Variants in TIAM2 observed in about 807,000 individuals in gnomAD.
The protein encoded by TIAM2 is TIAM Rac1 associated GEF 2, also known as rho guanine nucleotide exchange factor TIAM2.
Under a neutral mutation model 152.9 loss-of-function variants are expected in TIAM2, and 80 were observed. The observed-to-expected ratio is 0.52, with a 90% CI of 0.44 to 0.63. The LOEUF (loss-of-function observed/expected upper bound fraction) is 0.63, where lower values mean the gene tolerates loss of function less well. Ranked by LOEUF, TIAM2 falls within the 30% of genes least tolerant of loss-of-function variation. The pLI is 0.00. For synonymous variants in TIAM2, 804 were observed against 838.0 expected, an observed-to-expected ratio of 0.96 and a Z score of 0.70; for missense variants, 1,965 against 2,120.1, an observed-to-expected ratio of 0.93 and a Z score of 1.44.
Position 155,166,841 on chromosome 6 carries a change from C to T in TIAM2, c.2361+1432C>T, listed in dbSNP as rs564475297. On this transcript the variant is annotated intron_variant, in intron 9 of 26. Coordinates refer to ENST00000682666, the MANE Select transcript of TIAM2 (RefSeq NM_012454.4). ...GTTGAAAAAATAAGTTATATGATGACCTGATCATTCAGGTGAATAGGGAAA... is the reference window on the plus strand; with the variant it reads ...GTTGAAAAAATAAGTTATATGATGATCTGATCATTCAGGTGAATAGGGAAA... Among the ~76,000 whole-genome samples the T allele has an allele frequency of 1.1e-4, 16 of 152,218 alleles. No homozygotes were observed. In the East Asian group the frequency reaches 2.3e-3, roughly 22 times the overall value.
chr6:155,178,212 A>G (rs1780803530), intron 10 of TIAM2, among the ~76,000 whole-genome samples: 1 of 150,564 alleles, frequency 6.6e-6, no homozygotes, highest in African/African-American at 2.4e-5. Flanking sequence ...AATTTGACCC[A>G]GTTAGAGCAT....
chr6:155,248,231 G>GCTGCCAGCCGTGCCCTGGGC, intron 20 of TIAM2, 52 bp downstream of exon 20: 1 of 1,562,144 alleles, frequency 6.4e-7, no homozygotes, highest in Non-Finnish European at 8.7e-7. Context: ...GCGGCGAGGG[G>GCTGCCAGCCGTGCCCTGGGC]CTGCCAGCCG....
In TIAM2 at chr6:155,000,032, A is replaced by G. The variant is rs148350297; in HGVS notation, c.-209+4540A>G. ...ACAAAGATCAAATGAGCTGAAGTGC[A>G]TGAAAGCACTTTGCAAACTTTGGAA... On this transcript the variant is annotated intron_variant, in intron 1 of 26. Transcript: ENST00000682666. 3.3e-3 allele frequency among the ~76,000 whole-genome samples: 507 copies of G among 152,334 alleles called. 3 individuals carry two copies. The highest frequency in any genetic ancestry group is 0.011 in the African/African-American group (467 of 41,580).
intron 1 of TIAM2, among the ~76,000 whole-genome samples, chr6:155,028,402 A>G (rs1224558437): frequency 1.5e-5 from 2 of 136,712 alleles, no homozygotes; most frequent in East Asian, 4.4e-4. Flanking sequence ...CTACATATAT[A>G]TACTGTGTTA....
At chr6:155,099,635 G>A (rs1177114151) in intron 2 of TIAM2, among the ~76,000 whole-genome samples, 2 of 152,176 alleles carry the variant, frequency 1.3e-5, no homozygotes, top group Non-Finnish European at 2.9e-5. Flanking sequence ...ACAGTGTTGT[G>A]AGGTGATAGC....
intron 4 of TIAM2, among the ~76,000 whole-genome samples, chr6:155,135,423 C>A (rs1219166221): frequency 6.6e-6 from 1 of 152,094 alleles, no homozygotes; most frequent in African/African-American, 2.4e-5. Context: ...ATCAAAAGCC[C>A]ACTAGCAGCT....
At position 155,240,569 on chromosome 6, in the gene TIAM2, G is replaced by A. The variant is rs552270618; in HGVS notation, c.3208G>A (p.Asp1070Asn). Residue 1070 changes from aspartate to asparagine, a missense_variant, in exon 16 of 27, where the codon GAC becomes AAC. Physicochemically the swap from Asp to Asn is conservative, Grantham distance 23. Transcript: ENST00000682666. ...CACTGCACTGTGCAGGAGTTTTAAC[G>A]ACAGTCAGGCCAACGGCATGGAAGG... ...QITALCRSFN[D>N]SQANGMEGPR... is the part of the protein sequence containing the mutation. 107 of 1,614,080 alleles carry A rather than the reference G, an allele frequency of 6.6e-5. No individual in the cohort carries two copies. In the South Asian group the frequency reaches 7.5e-4, roughly 11 times the overall value.
intron 2 of TIAM2, among the ~76,000 whole-genome samples, chr6:155,111,847 G>A (rs1160278067): frequency 6.6e-6 from 1 of 151,978 alleles, no homozygotes; most frequent in Non-Finnish European, 1.5e-5. Context: ...ATTCCTCTCT[G>A]CTCCCCTTTA....
chr6:155,045,840 C>CTTTTTTTTTTTTTTTTTTTTTTTT (rs11354850), intron 1 of TIAM2, among the ~76,000 whole-genome samples: 52 of 60,498 alleles, frequency 8.6e-4, no homozygotes, highest in Middle Eastern at 0.023. Flanking sequence ...ATAGTGCCCT[C>CTTTTTTTTTTTTTTTTTTTTTTTT]TTTTTTTTTT....
At chr6:155,161,218 T>C (rs1780259905) in intron 7 of TIAM2, among the ~76,000 whole-genome samples, 1 of 116,768 alleles carries the variant, frequency 8.6e-6, no homozygotes, top group South Asian at 3.0e-4. Context: ...CGGGTCTCAC[T>C]CTGATAACCC....
At position 155,244,556 on chromosome 6, in the gene TIAM2, C is replaced by T. The variant is rs866789898; in HGVS notation, c.3418-102C>T. The T allele has an allele frequency of 2.7e-5, 37 of 1,385,732 alleles. 1 individual carries two copies. In the Middle Eastern group the frequency reaches 1.3e-3, roughly 49 times the overall value. 85.8% of individuals were successfully genotyped at this position (1,385,732 alleles called of 1,614,324 possible). Reference sequence around the variant, plus strand: ...AGGATTTACTTTCTGTCTGCTTTTCCGTGAAGAATTTCCTTGTGATTTATT... The same window carrying T: ...AGGATTTACTTTCTGTCTGCTTTTCTGTGAAGAATTTCCTTGTGATTTATT... On this transcript the variant is annotated intron_variant, in intron 17 of 26. Coordinates refer to ENST00000682666, the MANE Select transcript of TIAM2 (RefSeq NM_012454.4).
At chr6:155,248,211 C>A in intron 20 of TIAM2, 32 bp downstream of exon 20, 3 of 1,602,764 alleles carry the variant, frequency 1.9e-6, no homozygotes, top group Non-Finnish European at 2.6e-6. Context: ...CGGGCGAGGG[C>A]CTGCACAGGG....
At chr6:155,112,514 A>G (rs1778879975) in intron 2 of TIAM2, among the ~76,000 whole-genome samples, 1 of 152,002 alleles carries the variant, frequency 6.6e-6, no homozygotes, top group Non-Finnish European at 1.5e-5. Flanking sequence ...CTTAATGTCA[A>G]GGTGCCCCAG....
chr6:155,084,620 A>G (rs562370219), intron 1 of TIAM2, among the ~76,000 whole-genome samples: 2 of 152,274 alleles, frequency 1.3e-5, no homozygotes, highest in African/African-American at 4.8e-5. Flanking sequence ...CTGTTTTATA[A>G]ATAACAACGG....
rs570038993 is a variant in TIAM2, at chr6:155,184,770, GT to G, written c.3064+1271del. On this transcript the variant is annotated intron_variant, in intron 14 of 26. Transcript: ENST00000682666. ...GATTTGCGATTCAATAAGGTATCTC[GT>G]GCTTTCTCCTCCTCTCTTGGGGCTT... Among the ~76,000 whole-genome samples the G allele has an allele frequency of 3.6e-3, 554 of 152,230 alleles. 4 individuals are homozygous for G. The highest frequency in any genetic ancestry group is 5.2e-3 in the Non-Finnish European group (357 of 68,006).
chr6:155,187,020 G>GT (rs966308159), intron 14 of TIAM2, among the ~76,000 whole-genome samples: 3 of 152,074 alleles, frequency 2.0e-5, no homozygotes, highest in African/African-American at 4.8e-5. Flanking sequence ...AAGAAGACCT[G>GT]TTTTTTTAAA....
chr6:155,043,560 G>A (rs990135636), intron 1 of TIAM2, among the ~76,000 whole-genome samples: 6 of 150,578 alleles, frequency 4.0e-5, no homozygotes, highest in Admixed American at 6.6e-5. Context: ...CTTGAGCCCG[G>A]GAGTTTGAGG....
chr6:155,080,499 G>T (rs551433338), intron 1 of TIAM2, among the ~76,000 whole-genome samples: 1 of 151,654 alleles, frequency 6.6e-6, no homozygotes, highest in African/African-American at 2.4e-5. Flanking sequence ...GAGTACAGTG[G>T]CACAATCTCT....
intron 1 of TIAM2, among the ~76,000 whole-genome samples, chr6:155,068,602 G>GCGC (rs1554228060): frequency 1.4e-5 from 2 of 143,260 alleles, no homozygotes; most frequent in African/African-American, 5.1e-5. Flanking sequence ...ACAGGCACCC[G>GCGC]CCCCCCCATC....
Sources: allele counts gnomAD v4.1 joint callset (sites outside exome capture counted in the v4.1 genomes callset), GRCh38; gene constraint gnomAD v4.1.1; transcripts MANE v1.5; gene names NCBI Gene and HGNC (gene_info 2026-07-23, HGNC 2026-07-21).